Variants in KLK6 observed in about 807,000 individuals in gnomAD.
The protein encoded by KLK6 is kallikrein-6.
Under a neutral mutation model 21.7 loss-of-function variants are expected in KLK6, and 16 were observed. The ratio of observed to expected loss-of-function variants is 0.74; its 90% CI spans 0.50 to 1.12. The LOEUF is 1.12. KLK6 is among the 50% of genes most tolerant of loss of function. KLK6 has a pLI of 0.00. For synonymous variants in KLK6, 116 were observed against 120.1 expected (o/e 0.97, Z 0.22); for missense variants, 276 against 304.6 (o/e 0.91, Z 0.70).
At chr19:50,965,014 C>G (rs955196060) in intron 4 of KLK6, among the ~76,000 whole-genome samples, 4 of 152,192 alleles carry the variant, frequency 2.6e-5, no homozygotes, top group African/African-American at 7.2e-5. Context: ...TCCTTCCTGA[C>G]CCTCCTCCAT....
intron 4 of KLK6, among the ~76,000 whole-genome samples, chr19:50,965,371 G>T (rs1014015466): frequency 4.6e-5 from 7 of 151,384 alleles, no homozygotes; most frequent in African/African-American, 1.7e-4. Context: ...TGCAACCTCC[G>T]CCTCCCACGT....
chr19:50,963,272 C>T (rs2090872599), intron 5 of KLK6, 30 bp downstream of exon 5: 1 of 1,598,934 alleles, frequency 6.3e-7, no homozygotes. Flanking sequence ...TAGCCAGTAG[C>T]CTGCTCCCCA....
intron 5 of KLK6, chr19:50,962,192 G>A: frequency 3.6e-6 from 1 of 279,176 alleles, no homozygotes; most frequent in Non-Finnish European, 6.7e-6. Context: ...CTCTTCCACT[G>A]GTCCCACCTT....
chr19:50,960,117 AGAGGGGGAGGAGGATGGG>A (rs1236318325), intron 6 of KLK6, among the ~76,000 whole-genome samples: 2 of 17,822 alleles, frequency 1.1e-4, no homozygotes, highest in African/African-American at 2.4e-4. Flanking sequence ...AGGAGGATGG[AGAGGGGGAGGAGGATGGG>A]GAGGGGGAGG....
chr19:50,965,202 G>C lies in KLK6; in HGVS notation c.198-1653C>G, dbSNP rs972691767. On this transcript the variant is annotated intron_variant, in intron 4 of 6. Transcript: ENST00000310157. ...ACTGCAGCTTTGTACTCCTGGGCTC[G>C]AGTGATCCACCCGCCTCGGCCTCCC... is the stretch of plus-strand genomic sequence containing the variant. 2.0e-5 allele frequency among the ~76,000 whole-genome samples: 3 copies of C among 151,812 alleles called. No individual in the cohort carries two copies. The South Asian group carries it at 6.2e-4, about 32-fold the overall frequency.
In KLK6 at chr19:50,959,275, T is replaced by C. The variant is rs763865409; in HGVS notation, c.624A>G (p.Arg208=). The change falls in exon 7 of 7, where the codon CGA becomes CGG. Residue 208 remains arginine (R), a synonymous_variant. Transcript: ENST00000310157. ...GGPLVCGDHL[R]GLVSWGNIPC... is the part of the protein sequence containing the mutation. Reference sequence around the variant, plus strand: ...GGATGTTACCCCATGACACAAGGCCTCGGAGGTGGTCTCCACATACCAGCG... The same window carrying C: ...GGATGTTACCCCATGACACAAGGCCCCGGAGGTGGTCTCCACATACCAGCG... 1 of 1,613,650 alleles carries C rather than the reference T, an allele frequency of 6.2e-7. No homozygotes were observed. Among genetic ancestry groups the C allele is most frequent in the Non-Finnish European group, 8.5e-7 (1 of 1,179,922 alleles).
chr19:50,967,147 T>C (rs1568541373), intron 4 of KLK6, 22 bp downstream of exon 4: 1 of 1,613,650 alleles, frequency 6.2e-7, no homozygotes, highest in African/African-American at 1.3e-5. Flanking sequence ...GCATCTGCTG[T>C]TCATTTACAG....
chr19:50,959,873 A>AGGG, intron 6 of KLK6, among the ~76,000 whole-genome samples: 1 of 42,376 alleles, frequency 2.4e-5, no homozygotes, highest in Non-Finnish European at 4.4e-5. Context: ...GAGGAGGAGG[A>AGGG]GGAAGAGGAG....
intron 4 of KLK6, 28 bp downstream of exon 4, chr19:50,967,141 C>A (rs763725437): frequency 6.2e-6 from 10 of 1,613,576 alleles, no homozygotes; most frequent in Middle Eastern, 1.6e-4. Context: ...TCAGTCGCAT[C>A]TGCTGTTCAT....
rs1231434306 is a variant in KLK6 at position 50,959,286 on chromosome 19, C to G, written c.613G>C (p.Asp205His). The part of the protein sequence containing the change: ...GDSGGPLVCG[D>H]HLRGLVSWGN... ...CATGACACAAGGCCTCGGAGGTGGTCTCCACATACCAGCGGACCCCCAGAA... is the reference window on the plus strand; with the variant it reads ...CATGACACAAGGCCTCGGAGGTGGTGTCCACATACCAGCGGACCCCCAGAA... Residue 205 changes from aspartate to histidine, a missense_variant, in exon 7 of 7, where the codon GAC (aspartate) becomes CAC (histidine). Asp to His is a moderately conservative substitution (Grantham distance 81). Coordinates refer to ENST00000310157, the MANE Select transcript of KLK6 (RefSeq NM_002774.4). 2.5e-6 allele frequency: 4 copies of G among 1,613,686 alleles called. No individual in the cohort carries two copies. The highest frequency in any genetic ancestry group is 3.4e-6 in the Non-Finnish European group (4 of 1,179,934).
intron 6 of KLK6, among the ~76,000 whole-genome samples, chr19:50,960,478 T>C (rs1181749506): frequency 6.6e-6 from 1 of 152,076 alleles, no homozygotes; most frequent in African/African-American, 2.4e-5. Context: ...GGGAGTCCCC[T>C]TTCCCCAGCT....
chr19:50,965,394 C>T (rs2090909548), intron 4 of KLK6, among the ~76,000 whole-genome samples: 1 of 152,146 alleles, frequency 6.6e-6, no homozygotes, highest in African/African-American at 2.4e-5. Flanking sequence ...AAGCAATTCT[C>T]CTGCCTTAGC....
intron 6 of KLK6, among the ~76,000 whole-genome samples, chr19:50,961,541 A>G (rs1013758461): frequency 1.3e-5 from 2 of 151,888 alleles, no homozygotes; most frequent in African/African-American, 4.8e-5. Flanking sequence ...CTGTGTCTTT[A>G]TATCTCTGCA....
rs990300590 is a variant in KLK6, at chr19:50,968,534, A to T, written c.-9+7T>A. Reference sequence around the variant, plus strand: ...CCCGGCAGGTTCTGTGATGTCTGTGATCTCACCTGCTGCAGGCCTCCGGGC... The same window carrying T: ...CCCGGCAGGTTCTGTGATGTCTGTGTTCTCACCTGCTGCAGGCCTCCGGGC... On this transcript the variant is annotated splice_region_variant and intron_variant, in intron 2 of 6. Transcript: ENST00000310157. 6.0e-6 allele frequency: 1 copy of T among 166,292 alleles called. No homozygotes were observed. The highest frequency in any genetic ancestry group is 3.2e-5 in the African/African-American group (1 of 31,120). The allele number at this position is 166,292 out of a possible 1,614,324, so 10.3% of individuals were successfully genotyped here. A position where few individuals can be genotyped will look rare whatever the true frequency, so the allele number is the denominator to read the frequency against.
chr19:50,967,086 GCCTATGTCACCT>G, intron 4 of KLK6, 71 bp downstream of exon 4: 1 of 1,476,650 alleles, frequency 6.8e-7, no homozygotes, highest in Non-Finnish European at 9.4e-7. Flanking sequence ...TGGGGGGGAT[GCCTATGTCACCT>G]CCTGCCTGAC....
At chr19:50,961,618 G>T (rs989636340) in intron 6 of KLK6, 126 bp downstream of exon 6, 3 of 1,147,900 alleles carry the variant, frequency 2.6e-6, no homozygotes, top group Middle Eastern at 2.6e-4. Context: ...TTCTCCCTCA[G>T]CCTGTCTCTA....
At chr19:50,960,799 C>G (rs1265489175) in intron 6 of KLK6, among the ~76,000 whole-genome samples, 1 of 151,968 alleles carries the variant, frequency 6.6e-6, no homozygotes, top group Non-Finnish European at 1.5e-5. Context: ...GAATCTTGCT[C>G]TGTTGCCAGG....
chr19:50,968,166 C>A (rs752120909), intron 2 of KLK6, 54 bp from the exon 3 acceptor site: 9 of 1,503,396 alleles, frequency 6.0e-6, no homozygotes, highest in Non-Finnish European at 8.3e-6. Flanking sequence ...CTCCCCCCAT[C>A]CCTCTGTCTG....
chr19:50,959,978 G>A (rs1459918218), intron 6 of KLK6, among the ~76,000 whole-genome samples: 2 of 98,728 alleles, frequency 2.0e-5, no homozygotes, highest in African/African-American at 8.9e-5. Context: ...AGGAGGAAGA[G>A]GAGAACGAGG....
Sources: gnomAD v4.1 joint callset for allele counts (sites outside exome capture counted in the v4.1 genomes callset) on GRCh38, gnomAD v4.1.1 for gene constraint, MANE v1.5 for transcripts, NCBI Gene and HGNC (gene_info 2026-07-23, HGNC 2026-07-21) for gene names.